Variants in OTOA observed in about 807,000 individuals in gnomAD.
The protein encoded by OTOA is cancer/testis antigen 108.
In OTOA, 70 loss-of-function variants were observed where a neutral mutation model predicts 110.8. That is an observed-to-expected ratio of 0.63 (90% confidence interval 0.52 to 0.77). The LOEUF (loss-of-function observed/expected upper bound fraction) is 0.77, where lower values mean the gene tolerates loss of function less well. Ranked by LOEUF, OTOA falls within the 30% of genes least tolerant of loss-of-function variation. The probability of loss-of-function intolerance (pLI) is 0.00; values close to 1 mark genes in which losing one functional copy is unlikely to be tolerated. For missense variants in OTOA, 917 were observed against 1,075.8 expected, an observed-to-expected ratio of 0.85 and a Z score of 2.06; for synonymous variants, 373 against 431.5, an observed-to-expected ratio of 0.86 and a Z score of 1.68.
chr16:21,753,375 G>T, intron 27 of OTOA, among the ~76,000 whole-genome samples: 2 of 78,070 alleles, frequency 2.6e-5, no homozygotes, highest in African/African-American at 4.3e-5. Flanking sequence ...TCTACTTATG[G>T]TGGTATGACA....
intron 10 of OTOA, among the ~76,000 whole-genome samples, chr16:21,700,181 A>G (rs1898023536): frequency 6.6e-6 from 1 of 152,112 alleles, no homozygotes; most frequent in South Asian, 2.1e-4. Context: ...TTACAAAGAG[A>G]ACACATACTC....
In OTOA at chr16:21,705,171, TG is replaced by T; in HGVS notation, c.987del (p.Leu330CysfsTer24). 2 of 1,614,162 alleles carry T rather than the reference TG, an allele frequency of 1.2e-6. No homozygotes were observed. Among genetic ancestry groups the T allele is most frequent in the African/African-American group, 2.7e-5 (2 of 75,050 alleles). The stretch of plus-strand genomic sequence containing the variant: ...CCATCCCTCCTCTTCTCACACAGGC[TG>T]GGGCTGCTGGTTTGTTTCTACAATG... The part of the protein sequence containing the change: ...NMRNTSTIHR[L>X]GLLVCFYNDL... On this transcript the variant is annotated frameshift_variant, in exon 12 of 29. Coordinates refer to ENST00000646100, the MANE Select transcript of OTOA (RefSeq NM_144672.4). LOFTEE classifies it high-confidence loss of function.
chr16:21,684,721 TTA>T (rs1020283253), intron 6 of OTOA, among the ~76,000 whole-genome samples: 3 of 73,732 alleles, frequency 4.1e-5, no homozygotes, highest in Non-Finnish European at 7.8e-5. Context: ...AGGAATCCCC[TTA>T]TTATTATTAT....
At position 21,665,510 on chromosome 16, in the gene OTOA, G is replaced by A. The variant is rs368490600; in HGVS notation, c.-5+1278G>A. On this transcript the variant is annotated intron_variant, in intron 1 of 28. Coordinates refer to ENST00000646100, the MANE Select transcript of OTOA (RefSeq NM_144672.4). ...CATCATAACCCCCTCCCTGCCATTC[G>A]CTTGCTGTGTGATCGTTCATGTGCA... Among the ~76,000 whole-genome samples the A allele has an allele frequency of 2.4e-4, 37 of 152,228 alleles. No homozygotes were observed. The East Asian group carries it at 4.2e-3, about 17-fold the overall frequency.
intron 9 of OTOA, among the ~76,000 whole-genome samples, chr16:21,692,022 A>T (rs1897839906): frequency 1.3e-5 from 2 of 152,168 alleles, no homozygotes; most frequent in African/African-American, 4.8e-5. Context: ...GTATAAAAAA[A>T]TCTATATTAA....
intron 1 of OTOA, among the ~76,000 whole-genome samples, chr16:21,668,744 G>A (rs1297477353): frequency 1.3e-5 from 2 of 152,074 alleles, no homozygotes; most frequent in Non-Finnish European, 2.9e-5. Flanking sequence ...TTACAGGTGT[G>A]AGCCACCGTG....
intron 9 of OTOA, among the ~76,000 whole-genome samples, chr16:21,694,449 A>T (rs1379555687): frequency 6.6e-6 from 1 of 152,100 alleles, no homozygotes; most frequent in Non-Finnish European, 1.5e-5. Flanking sequence ...TCTCTAAAAA[A>T]AAGTCCAAAA....
In OTOA at chr16:21,715,186, T is replaced by A. The variant is rs200087079; in HGVS notation, c.1488+34T>A. 1,278 of 1,613,830 alleles carry A rather than the reference T, an allele frequency of 7.9e-4. 1 individual carries two copies. Among genetic ancestry groups the A allele is most frequent in the Middle Eastern group, 3.0e-3 (18 of 6,062 alleles). On this transcript the variant is annotated intron_variant, in intron 14 of 28. Transcript: ENST00000646100. The stretch of plus-strand genomic sequence containing the variant: ...AAGATGTCTGGTGCTCAGCCACATG[T>A]CACAGGGGGTATGTTTTTGGGGTTG...
chr16:21,734,366 A>G (rs948688908), intron 21 of OTOA, among the ~76,000 whole-genome samples: 2 of 149,396 alleles, frequency 1.3e-5, no homozygotes, highest in African/African-American at 2.4e-5. Flanking sequence ...ACTGGGGCCT[A>G]TTGGAGAGTG....
intron 11 of OTOA, among the ~76,000 whole-genome samples, chr16:21,703,234 T>G (rs1311705648): frequency 1.3e-5 from 2 of 152,142 alleles, no homozygotes; most frequent in Non-Finnish European, 2.9e-5. Flanking sequence ...AACTGAAACA[T>G]TGTGTCCTTT....
At chr16:21,713,094 G>C (rs1251311938) in intron 13 of OTOA, among the ~76,000 whole-genome samples, 1 of 152,002 alleles carries the variant, frequency 6.6e-6, no homozygotes, top group Non-Finnish European at 1.5e-5. Context: ...CTCCTGAGTA[G>C]CTGGGACCAC....
At chr16:21,756,582 C>T (rs1198836960) in intron 27 of OTOA, among the ~76,000 whole-genome samples, 1 of 152,196 alleles carries the variant, frequency 6.6e-6, no homozygotes, top group African/African-American at 2.4e-5. Context: ...ACTTGAAGCA[C>T]TGGGAAGCTG....
intron 14 of OTOA, among the ~76,000 whole-genome samples, chr16:21,715,675 G>A (rs1898531388): frequency 6.6e-6 from 1 of 151,672 alleles, no homozygotes; most frequent in Admixed American, 6.6e-5. Flanking sequence ...AAGCCACCAT[G>A]TCTGGCTAAT....
chr16:21,675,307 ATTTTTTTTT>A (rs57498010), intron 1 of OTOA, among the ~76,000 whole-genome samples: 4 of 37,156 alleles, frequency 1.1e-4, no homozygotes, highest in East Asian at 7.9e-4. Flanking sequence ...ACACCTGGCT[ATTTTTTTTT>A]TTTTTTTTTT....
chr16:21,736,513 A>G, intron 22 of OTOA, 123 bp downstream of exon 22: 2 of 1,138,526 alleles, frequency 1.8e-6, no homozygotes, highest in South Asian at 2.6e-5. Flanking sequence ...AAGCAATAGA[A>G]TGACAAAATC....
At chr16:21,719,084 G>A (rs765018969) in intron 15 of OTOA, 49 bp from the exon 16 acceptor site, 1 of 1,559,044 alleles carries the variant, frequency 6.4e-7, no homozygotes, top group Non-Finnish European at 8.8e-7. Flanking sequence ...ACAGTGTTGG[G>A]CACACGCTGA....
intron 17 of OTOA, among the ~76,000 whole-genome samples, chr16:21,722,152 C>G (rs1898768463): frequency 6.8e-6 from 1 of 147,912 alleles, no homozygotes. Context: ...ATCCTAGCTA[C>G]TCGGGAGGCT....
chr16:21,736,269 G>T lies in OTOA; in HGVS notation c.2310G>T (p.Glu770Asp), dbSNP rs1252199445. Residue 770 changes from glutamate (E) to aspartate (D), a missense_variant, in exon 22 of 29, where the codon GAG becomes GAT. Physicochemically the swap from Glu to Asp is conservative, Grantham distance 45. Around this residue, in one of 6 missense-constraint regions of OTOA, gnomAD observed 57 missense variants for 59.7 expected, o/e 0.96. Coordinates refer to ENST00000646100, the MANE Select transcript of OTOA (RefSeq NM_144672.4). Reference sequence around the variant, plus strand: ...CATCTTCTTTCACACAGTTTCCTGAGATCCTTCTGCAAGCAGCTTCCAAGA... The same window carrying T: ...CATCTTCTTTCACACAGTTTCCTGATATCCTTCTGCAAGCAGCTTCCAAGA... ...ELSSIATKFP[E>D]ILLQAASKMA... 1 of 1,613,022 alleles carries T rather than the reference G, an allele frequency of 6.2e-7. No homozygotes were observed. The highest frequency in any genetic ancestry group is 8.5e-7 in the Non-Finnish European group (1 of 1,179,220).
rs372841691 is a variant in OTOA, at chr16:21,716,809, T to A, written c.1489-98T>A. 48 of 1,451,314 alleles carry A rather than the reference T, an allele frequency of 3.3e-5. No individual in the cohort carries two copies. In the East Asian group the frequency reaches 8.0e-4, roughly 24 times the overall value. 89.9% of individuals were successfully genotyped at this position (1,451,314 alleles called of 1,614,324 possible). A position where few individuals can be genotyped will look rare whatever the true frequency, so the allele number is the denominator to read the frequency against. On this transcript the variant is annotated intron_variant, in intron 14 of 28. Coordinates refer to ENST00000646100, the MANE Select transcript of OTOA (RefSeq NM_144672.4). ...CCACTTCCTAGGGTTGCTGAGCGGG[T>A]CTGATGGATTTTATTGCCTGTGATG...
Sources: allele counts gnomAD v4.1 joint callset (sites outside exome capture counted in the v4.1 genomes callset), GRCh38; gene constraint gnomAD v4.1.1; regional missense constraint gnomAD v4.1.1; transcripts MANE v1.5; gene names NCBI Gene and HGNC (gene_info 2026-07-23, HGNC 2026-07-21).